L2HGDH: variants seen among roughly 807,000 people sequenced by gnomAD.
The protein encoded by L2HGDH is L-2-hydroxyglutarate dehydrogenase, mitochondrial.
Under a neutral mutation model 51.5 loss-of-function variants are expected in L2HGDH, and 34 were observed. That is an observed-to-expected ratio of 0.66 (90% confidence interval 0.50 to 0.88). The LOEUF (loss-of-function observed/expected upper bound fraction) is 0.88, where lower values mean the gene tolerates loss of function less well. L2HGDH is among the 40% of genes least tolerant of loss of function. The pLI, the probability that L2HGDH is intolerant of heterozygous loss-of-function variation, is 0.00. For missense variants in L2HGDH, 558 were observed against 571.9 expected (o/e 0.98, Z 0.25); for synonymous variants, 198 against 197.9 (o/e 1.00, Z -0.01).
chr14:50,247,598 A>T (rs112647068), intron 9 of L2HGDH, among the ~76,000 whole-genome samples: 130 of 152,344 alleles, frequency 8.5e-4, no homozygotes, highest in African/African-American at 3.0e-3. Context: ...TTATAGAATG[A>T]ATTTATTATA....
intron 4 of L2HGDH, among the ~76,000 whole-genome samples, chr14:50,285,234 G>A (rs1890503610): frequency 6.6e-6 from 1 of 152,170 alleles, no homozygotes; most frequent in African/African-American, 2.4e-5. Context: ...GCAACAGAGT[G>A]AGACTTCGTC....
chr14:50,298,972 AAT>A, intron 3 of L2HGDH, among the ~76,000 whole-genome samples: 1 of 152,132 alleles, frequency 6.6e-6, no homozygotes, highest in Non-Finnish European at 1.5e-5. Context: ...GAAGAAAATA[AAT>A]AATAAAGATC....
intron 1 of L2HGDH, 131 bp from the exon 2 acceptor site, chr14:50,303,148 T>G: frequency 3.1e-6 from 2 of 649,650 alleles, no homozygotes; most frequent in South Asian, 3.2e-5. Context: ...CGGCGGCCGG[T>G]CGCAGTGGCT....
At position 50,267,875 on chromosome 14, in the gene L2HGDH, G is replaced by C. The variant is rs1270815903; in HGVS notation, c.942C>G (p.His314Gln). 1 of 1,613,960 alleles carries C rather than the reference G, an allele frequency of 6.2e-7. No homozygotes were observed. Among genetic ancestry groups the C allele is most frequent in the Non-Finnish European group, 8.5e-7 (1 of 1,179,936 alleles). Residue 314 changes from histidine to glutamine, a missense_variant, in exon 8 of 10, where the codon CAC (histidine) becomes CAG (glutamine). Transcript: ENST00000267436. ...PDSRFPFLGV[H>Q]FTPRMDGSIW... ...TACTGCCATCCATCCTTGGTGTGAA[G>C]TGAACTCCTAGGAAAGGAAACCGGC...
intron 9 of L2HGDH, among the ~76,000 whole-genome samples, chr14:50,250,766 G>A (rs1221478348): frequency 6.6e-6 from 1 of 152,222 alleles, no homozygotes; most frequent in Non-Finnish European, 1.5e-5. Flanking sequence ...TCTGCCTGGT[G>A]ATCCAGAGAA....
chr14:50,284,145 G>T, intron 4 of L2HGDH, 112 bp from the exon 5 acceptor site: 1 of 909,472 alleles, frequency 1.1e-6, no homozygotes, highest in Non-Finnish European at 1.7e-6. Flanking sequence ...ATTTTGCCAA[G>T]CTTTTCTTGC....
chr14:50,289,726 A>G (rs953582149), intron 4 of L2HGDH, among the ~76,000 whole-genome samples: 4 of 152,248 alleles, frequency 2.6e-5, no homozygotes, highest in African/African-American at 9.6e-5. Flanking sequence ...GTTTAGCCGA[A>G]TGCCTTATAC....
At chr14:50,298,320 A>G (rs1022254376) in intron 3 of L2HGDH, among the ~76,000 whole-genome samples, 5 of 148,974 alleles carry the variant, frequency 3.4e-5, no homozygotes, top group Admixed American at 2.7e-4. Context: ...AGGTGGGAGG[A>G]CTTTTTTTTT....
In L2HGDH at chr14:50,243,445, T is replaced by C. The variant is rs1887874376; in HGVS notation, c.*3613A>G. The C allele has an allele frequency of 2.3e-6, 2 of 887,630 alleles. No homozygotes were observed. Among genetic ancestry groups the C allele is most frequent in the Non-Finnish European group, 2.7e-6 (2 of 741,170 alleles). 55.0% of individuals were successfully genotyped at this position (887,630 alleles called of 1,614,324 possible). A position where few individuals can be genotyped will look rare whatever the true frequency, so the allele number is the denominator to read the frequency against. On this transcript the variant is annotated 3_prime_UTR_variant, in exon 10 of 10. Transcript: ENST00000267436. ...AAAAATTTATTTGCATAAAAGTTTT[T>C]ATGGAACTAAAAAATATGTTCTCTA...
chr14:50,283,831 G>A (rs1890410439), intron 5 of L2HGDH, 40 bp downstream of exon 5: 6 of 1,582,700 alleles, frequency 3.8e-6, no homozygotes, highest in Non-Finnish European at 5.2e-6. Flanking sequence ...TGGATATGGA[G>A]GGCTGACTAT....
chr14:50,286,408 T>A (rs769571919), intron 4 of L2HGDH, among the ~76,000 whole-genome samples: 2 of 152,118 alleles, frequency 1.3e-5, no homozygotes, highest in African/African-American at 4.8e-5. Context: ...AGAGGCAGTT[T>A]AAAATTTTCC....
intron 2 of L2HGDH, among the ~76,000 whole-genome samples, chr14:50,302,391 C>T (rs2030463450): frequency 1.3e-5 from 2 of 152,208 alleles, no homozygotes; most frequent in Admixed American, 1.3e-4. Context: ...CACAAACTCA[C>T]CTCTCATTAC....
intron 9 of L2HGDH, among the ~76,000 whole-genome samples, chr14:50,253,157 G>A (rs1485502541): frequency 6.6e-6 from 1 of 151,914 alleles, no homozygotes; most frequent in Non-Finnish European, 1.5e-5. Flanking sequence ...TAAACACATA[G>A]AAATTAAACA....
chr14:50,249,422 A>C (rs779870284), intron 9 of L2HGDH, among the ~76,000 whole-genome samples: 1 of 152,202 alleles, frequency 6.6e-6, no homozygotes, highest in Admixed American at 6.5e-5. Flanking sequence ...AGCAAAGAGC[A>C]AAGAGTAAAG....
At chr14:50,290,656 A>T (rs1349403917) in intron 4 of L2HGDH, among the ~76,000 whole-genome samples, 1 of 151,988 alleles carries the variant, frequency 6.6e-6, no homozygotes, top group Non-Finnish European at 1.5e-5. Flanking sequence ...CGGACACTGA[A>T]ATTTGAATTT....
intron 1 of L2HGDH, among the ~76,000 whole-genome samples, chr14:50,307,903 A>ATC (rs1393593309): frequency 6.6e-6 from 1 of 152,234 alleles, no homozygotes; most frequent in African/African-American, 2.4e-5. Context: ...CTTGGGACTT[A>ATC]GAGTTGACAT....
intron 9 of L2HGDH, among the ~76,000 whole-genome samples, chr14:50,261,950 AGTGGTTAAT>A (rs758350242): frequency 2.6e-5 from 4 of 152,190 alleles, no homozygotes; most frequent in Admixed American, 6.5e-5. Context: ...GGTGCCCTTC[AGTGGTTAAT>A]GAAATTTAAG....
chr14:50,259,491 T>C (rs1888885237), intron 9 of L2HGDH, among the ~76,000 whole-genome samples: 1 of 150,478 alleles, frequency 6.6e-6, no homozygotes, highest in Non-Finnish European at 1.5e-5. Flanking sequence ...ATTACAGGCA[T>C]GAGCCACCCC....
At position 50,247,041 on chromosome 14, in the gene L2HGDH, C is replaced by G. The variant is rs1888043713; in HGVS notation, c.*17G>C. ...CTGACATGAAGATTACAGTGCATACCTAGCTCCTTTCATTATTTATAATTC... is the reference window on the plus strand; with the variant it reads ...CTGACATGAAGATTACAGTGCATACGTAGCTCCTTTCATTATTTATAATTC... On this transcript the variant is annotated 3_prime_UTR_variant, in exon 10 of 10. Transcript: ENST00000267436. 6.2e-7 allele frequency: 1 copy of G among 1,610,662 alleles called. No homozygotes were observed. The highest frequency in any genetic ancestry group is 1.9e-4 in the Middle Eastern group (1 of 5,286).
Sources: allele counts gnomAD v4.1 joint callset (sites outside exome capture counted in the v4.1 genomes callset), GRCh38; gene constraint gnomAD v4.1.1; transcripts MANE v1.5; gene names NCBI Gene and HGNC (gene_info 2026-07-23, HGNC 2026-07-21).